GALM: variants seen among roughly 807,000 people sequenced by gnomAD.
GALM encodes aldose 1-epimerase.
In GALM, 43 loss-of-function variants were observed where a neutral mutation model predicts 37.4. That is an observed-to-expected ratio of 1.15 (90% CI 0.90 to 1.48). The LOEUF (loss-of-function observed/expected upper bound fraction) is 1.48, where lower values mean the gene tolerates loss of function less well. Ranked by LOEUF, GALM falls within the 40% of genes most tolerant of loss-of-function variation. The pLI is 0.00. For missense variants in GALM, 456 were observed against 419.1 expected (o/e 1.09, Z -0.77); for synonymous variants, 199 against 170.6 (o/e 1.17, Z -1.30).
chr2:38,686,377 T>C (rs1268112828), intron 3 of GALM, among the ~76,000 whole-genome samples: 1 of 151,778 alleles, frequency 6.6e-6, no homozygotes, highest in African/African-American at 2.4e-5. Flanking sequence ...GACATTCTCC[T>C]GCCTCAGCCT....
intron 1 of GALM, among the ~76,000 whole-genome samples, chr2:38,675,533 T>TG (rs1665229660): frequency 3.3e-5 from 3 of 89,582 alleles, no homozygotes; most frequent in Non-Finnish European, 6.1e-5. Context: ...TTTGTTTTTT[T>TG]TTTTTTTTTT....
chr2:38,667,508 T>C (rs1015721062), intron 1 of GALM, among the ~76,000 whole-genome samples: 8 of 152,090 alleles, frequency 5.3e-5, no homozygotes, highest in Non-Finnish European at 1.2e-4. Flanking sequence ...AGGCGGAGGT[T>C]GCAGTGAGCC....
At chr2:38,709,637 A>T (rs926578834) in intron 4 of GALM, among the ~76,000 whole-genome samples, 1 of 152,172 alleles carries the variant, frequency 6.6e-6, no homozygotes, top group Non-Finnish European at 1.5e-5. Context: ...AGGGAAAAAA[A>T]CCTGCAGCAT....
Position 38,703,072 on chromosome 2 carries a change from ATATATATATATATATATATATTTTTT to A in GALM, c.634+13180_634+13205del, listed in dbSNP as rs1558588656. Among the ~76,000 whole-genome samples the A allele has an allele frequency of 4.5e-3, 20 of 4,482 alleles. 1 individual carries two copies. The highest frequency in any genetic ancestry group is 9.7e-3 in the African/African-American group (19 of 1,960). The allele number at this position is 4,482 out of a possible 152,430, so 2.9% of individuals were successfully genotyped here. A position where few individuals can be genotyped will look rare whatever the true frequency, so the allele number is the denominator to read the frequency against. Reference sequence around the variant, plus strand: ...TGGGATTTTATATATATATATATATATATATATATATATATATATATTTTTTTTTTTTTTTTTTTTTTTTTTTTTTT... The same window carrying A: ...TGGGATTTTATATATATATATATATATTTTTTTTTTTTTTTTTTTTTTTTT... On this transcript the variant is annotated intron_variant, in intron 4 of 6. Coordinates refer to ENST00000272252, the MANE Select transcript of GALM (RefSeq NM_138801.3).
intron 3 of GALM, among the ~76,000 whole-genome samples, chr2:38,685,616 G>C (rs1429852373): frequency 6.6e-6 from 1 of 152,212 alleles, no homozygotes; most frequent in Non-Finnish European, 1.5e-5. Flanking sequence ...CATCAGCCTT[G>C]AAAGGAAATG....
chr2:38,697,839 T>C (rs1352216088), intron 4 of GALM, among the ~76,000 whole-genome samples: 1 of 152,140 alleles, frequency 6.6e-6, no homozygotes, highest in Non-Finnish European at 1.5e-5. Context: ...ACGTCTTCAA[T>C]GCAGAGCCGG....
rs775718795 is a variant in GALM at position 38,718,387 on chromosome 2, C to T, written c.635-11169C>T. Among the ~76,000 whole-genome samples the T allele has an allele frequency of 5.7e-4, 86 of 150,594 alleles. 1 individual carries two copies. Among genetic ancestry groups the T allele is most frequent in the Non-Finnish European group, 1.6e-4 (11 of 67,798 alleles). On this transcript the variant is annotated intron_variant, in intron 4 of 6. Transcript: ENST00000272252. ...CTAATTTTTGTATTTTCAGTAGAGA[C>T]GGGGTTTCGCTATGTTAGCCAGCCT...
At chr2:38,723,254 G>T (rs1178864692) in intron 4 of GALM, among the ~76,000 whole-genome samples, 1 of 152,146 alleles carries the variant, frequency 6.6e-6, no homozygotes, top group Non-Finnish European at 1.5e-5. Flanking sequence ...AGAGGCCGGG[G>T]GAAAAGAGCA....
At position 38,679,210 on chromosome 2, in the gene GALM, C is replaced by T. The variant is rs188908890; in HGVS notation, c.346-2070C>T. 4.8e-3 allele frequency among the ~76,000 whole-genome samples: 734 copies of T among 152,306 alleles called. 3 individuals are homozygous for T. The highest frequency in any genetic ancestry group is 0.016 in the African/African-American group (681 of 41,568). The stretch of plus-strand genomic sequence containing the variant: ...CCATGTTGGCCAGGCTTGTCTCGAA[C>T]TCTTGACCTCAAGTGATCTGCCCGC... On this transcript the variant is annotated intron_variant, in intron 2 of 6. Coordinates refer to ENST00000272252, the MANE Select transcript of GALM (RefSeq NM_138801.3).
chr2:38,708,157 T>A (rs1666079197), intron 4 of GALM, among the ~76,000 whole-genome samples: 1 of 144,884 alleles, frequency 6.9e-6, no homozygotes, highest in Non-Finnish European at 1.6e-5. Flanking sequence ...TAAAAAAGCC[T>A]GGCATGGTGG....
intron 3 of GALM, among the ~76,000 whole-genome samples, chr2:38,683,908 C>T (rs1420181925): frequency 6.6e-6 from 1 of 152,052 alleles, no homozygotes; most frequent in Non-Finnish European, 1.5e-5. Flanking sequence ...CAACCTCTAT[C>T]TTAGTAAGCG....
chr2:38,686,329 G>A (rs921607322), intron 3 of GALM, among the ~76,000 whole-genome samples: 2 of 140,314 alleles, frequency 1.4e-5, no homozygotes, highest in South Asian at 2.3e-4. Context: ...GCAGTGGCGC[G>A]ATCTTGGCTC....
intron 4 of GALM, among the ~76,000 whole-genome samples, chr2:38,714,095 A>T (rs1187539970): frequency 6.6e-6 from 1 of 152,166 alleles, no homozygotes; most frequent in Non-Finnish European, 1.5e-5. Flanking sequence ...AACTATTATT[A>T]GTACCATCAT....
chr2:38,732,399 C>A (rs1215273570), intron 6 of GALM, among the ~76,000 whole-genome samples: 1 of 152,188 alleles, frequency 6.6e-6, no homozygotes, highest in Non-Finnish European at 1.5e-5. Flanking sequence ...CACAGAAAAC[C>A]CATAGCCAAG....
chr2:38,731,898 G>A lies in GALM; in HGVS notation c.940G>A (p.Ala314Thr). 1 of 1,614,002 alleles carries A rather than the reference G, an allele frequency of 6.2e-7. No homozygotes were observed. Among genetic ancestry groups the A allele is most frequent in the Non-Finnish European group, 8.5e-7 (1 of 1,179,892 alleles). ...FCLETQNWPD[A>T]VNQPRFPPVL... Reference sequence around the variant, plus strand: ...CCTGGAGACTCAGAACTGGCCTGATGCAGTCAATCAGGTAATGCCACAGGC... The same window carrying A: ...CCTGGAGACTCAGAACTGGCCTGATACAGTCAATCAGGTAATGCCACAGGC... Residue 314 changes from alanine to threonine, a missense_variant, in exon 6 of 7, where the codon GCA becomes ACA. By Grantham distance (58) the Ala-to-Thr change is moderately conservative. Transcript: ENST00000272252.
At chr2:38,698,992 C>A (rs1665864603) in intron 4 of GALM, among the ~76,000 whole-genome samples, 1 of 152,190 alleles carries the variant, frequency 6.6e-6, no homozygotes. Context: ...CGGCTCACTG[C>A]AACCTCCGCC....
intron 2 of GALM, chr2:38,680,084 T>C (rs558906450): frequency 3.6e-4 from 162 of 453,894 alleles, no homozygotes; most frequent in African/African-American, 3.0e-3. Context: ...GTGTGTGCGA[T>C]CTCGGCTCAC....
intron 2 of GALM, chr2:38,680,180 C>T (rs542736433): frequency 7.5e-5 from 25 of 335,384 alleles, no homozygotes; most frequent in Admixed American, 7.4e-4. Context: ...CACCATACCT[C>T]GCTAATTTTT....
At chr2:38,699,795 T>C (rs1284782689) in intron 4 of GALM, among the ~76,000 whole-genome samples, 2 of 152,228 alleles carry the variant, frequency 1.3e-5, no homozygotes, top group African/African-American at 4.8e-5. Context: ...GGAAAGATAC[T>C]CGATATAATT....
Sources: gnomAD v4.1 joint callset for allele counts (sites outside exome capture counted in the v4.1 genomes callset) on GRCh38, gnomAD v4.1.1 for gene constraint, MANE v1.5 for transcripts, NCBI Gene and HGNC (gene_info 2026-07-23, HGNC 2026-07-21) for gene names.